CACNA1G: variants seen among roughly 807,000 people sequenced by gnomAD.
The protein encoded by CACNA1G is voltage-dependent T-type calcium channel subunit alpha-1G.
CACNA1G carries 67 observed loss-of-function variants against 219.4 expected under a neutral mutation model. The ratio of observed to expected loss-of-function variants is 0.31; its 90% CI spans 0.25 to 0.37. The LOEUF (loss-of-function observed/expected upper bound fraction) is 0.37. Ranked by LOEUF, CACNA1G falls within the 10% of genes least tolerant of loss-of-function variation. CACNA1G has a pLI of 1.00. For synonymous variants in CACNA1G, 1,296 were observed against 1,345.3 expected, an observed-to-expected ratio of 0.96 and a Z score of 0.80; for missense variants, 2,380 against 3,231.4, an observed-to-expected ratio of 0.74 and a Z score of 6.39.
intron 7 of CACNA1G, 50 bp downstream of exon 7, chr17:50,573,163 T>C (rs1393432579): frequency 7.4e-7 from 1 of 1,350,490 alleles, no homozygotes; most frequent in Admixed American, 2.0e-5. Flanking sequence ...TGGGGACACC[T>C]GTGGGGGCAG....
chr17:50,585,154 T>C (rs1440746445), intron 9 of CACNA1G, among the ~76,000 whole-genome samples: 1 of 152,130 alleles, frequency 6.6e-6, no homozygotes, highest in East Asian at 1.9e-4. Context: ...TTATTATTTA[T>C]TTATTTTAAG....
chr17:50,617,826 G>C lies in CACNA1G; in HGVS notation c.5156-33G>C. On this transcript the variant is annotated intron_variant, in intron 29 of 37. Coordinates refer to ENST00000359106, the MANE Select transcript of CACNA1G (RefSeq NM_018896.5). This position sits in a 1 kb window ranked among gnomAD's most constrained non-coding sequence, Gnocchi z 5.8. ...CCAGCTGTCTGGCCGGGGACCCAAAGAGGCCAGCTCATGACGTTGTCCTGT... is the reference window on the plus strand; with the variant it reads ...CCAGCTGTCTGGCCGGGGACCCAAACAGGCCAGCTCATGACGTTGTCCTGT... 6.2e-7 allele frequency: 1 copy of C among 1,609,892 alleles called. No individual in the cohort carries two copies. Among genetic ancestry groups the C allele is most frequent in the South Asian group, 1.1e-5 (1 of 90,990 alleles).
Position 50,561,095 on chromosome 17 carries a change from G to T in CACNA1G, c.-365G>T, listed in dbSNP as rs1045945766. ...GCCCTCCGCCGCTGCCCCCCTTTTC[G>T]TTCGCCCTCTCGGGGCGGCTTCGCC... On this transcript the variant is annotated 5_prime_UTR_variant, in exon 1 of 38. Coordinates refer to ENST00000359106, the MANE Select transcript of CACNA1G (RefSeq NM_018896.5). The T allele has an allele frequency of 1.1e-5, 5 of 437,664 alleles. No homozygotes were observed. In the East Asian group the frequency reaches 2.6e-4, roughly 23 times the overall value. The allele number at this position is 437,664 out of a possible 1,614,324, so 27.1% of individuals were successfully genotyped here. A position where few individuals can be genotyped will look rare whatever the true frequency, so the allele number is the denominator to read the frequency against.
chr17:50,609,484 C>A (rs1021894091), intron 25 of CACNA1G, among the ~76,000 whole-genome samples: 3 of 152,254 alleles, frequency 2.0e-5, no homozygotes, highest in Admixed American at 6.5e-5. Flanking sequence ...ATCCTCCCCA[C>A]CCCCACCTCA....
intron 22 of CACNA1G, 132 bp from the exon 23 acceptor site, chr17:50,605,766 G>A: frequency 1.1e-6 from 1 of 892,770 alleles, no homozygotes; most frequent in Non-Finnish European, 1.8e-6. Flanking sequence ...TCCCTGACTT[G>A]ACTGGCCCCA....
chr17:50,573,221 A>G (rs765135699), intron 7 of CACNA1G, 108 bp downstream of exon 7: 8 of 786,290 alleles, frequency 1.0e-5, no homozygotes, highest in Non-Finnish European at 1.7e-5. Context: ...AGCTCTCAGG[A>G]CAAGTCCTGT....
Position 50,617,679 on chromosome 17 carries a change from T to C in CACNA1G, c.5155+108T>C. 6.8e-7 allele frequency: 1 copy of C among 1,469,436 alleles called. No homozygotes were observed. Among genetic ancestry groups the C allele is most frequent in the Non-Finnish European group, 9.2e-7 (1 of 1,083,538 alleles). 91.0% of individuals were successfully genotyped at this position (1,469,436 alleles called of 1,614,324 possible). A position where few individuals can be genotyped will look rare whatever the true frequency, so the allele number is the denominator to read the frequency against. On this transcript the variant is annotated intron_variant, in intron 29 of 37. Transcript: ENST00000359106. The surrounding 1 kb of genome is among the most constrained non-coding windows in gnomAD (Gnocchi z 5.8). ...AGGCCTGGGCGGCTGTGGGTTCCCA[T>C]GGGTCTTTCTCCCAGCTTCTGCCAA...
At chr17:50,619,607 C>A (rs2051305462) in intron 33 of CACNA1G, 76 bp from the exon 34 acceptor site, 3 of 1,434,650 alleles carry the variant, frequency 2.1e-6, no homozygotes, top group Admixed American at 2.0e-5. Flanking sequence ...AATCCCCTTC[C>A]ACGACACTTC....
intron 8 of CACNA1G, among the ~76,000 whole-genome samples, chr17:50,576,781 GC>G (rs1293778530): frequency 6.6e-6 from 1 of 152,210 alleles, no homozygotes; most frequent in Non-Finnish European, 1.5e-5. Context: ...CGGACTCGGG[GC>G]CCGCACTCGG....
In CACNA1G at chr17:50,627,020, T is replaced by C; in HGVS notation, c.*269T>C. 1.6e-6 allele frequency: 1 copy of C among 637,358 alleles called. No homozygotes were observed. The highest frequency in any genetic ancestry group is 2.9e-6 in the Non-Finnish European group (1 of 346,142). The allele number at this position is 637,358 out of a possible 1,614,324, so 39.5% of individuals were successfully genotyped here. A position where few individuals can be genotyped will look rare whatever the true frequency, so the allele number is the denominator to read the frequency against. On this transcript the variant is annotated 3_prime_UTR_variant, in exon 38 of 38. Coordinates refer to ENST00000359106, the MANE Select transcript of CACNA1G (RefSeq NM_018896.5). ...AAGCTGTTGGGAGAAAGCAATACGT[T>C]TGTGCAGAATCTCTATGTATATTCT...
chr17:50,596,155 A>G lies in CACNA1G; in HGVS notation c.2980-407A>G, dbSNP rs1033077967. On this transcript the variant is annotated intron_variant, in intron 14 of 37. Coordinates refer to ENST00000359106, the MANE Select transcript of CACNA1G (RefSeq NM_018896.5). The surrounding 1 kb of genome is among the most constrained non-coding windows in gnomAD (Gnocchi z 4.8). ...GGCTCAGGGGAGGGGAGCCGTGGAG[A>G]GAAAGCAAAGGGCCTCCAGTGAACT... 8.5e-5 allele frequency among the ~76,000 whole-genome samples: 13 copies of G among 152,078 alleles called. No homozygotes were observed. Among genetic ancestry groups the G allele is most frequent in the African/African-American group, 1.9e-4 (8 of 41,380 alleles).
At chr17:50,601,635 CT>C (rs2046653481) in intron 19 of CACNA1G, among the ~76,000 whole-genome samples, 1 of 152,186 alleles carries the variant, frequency 6.6e-6, no homozygotes, top group Non-Finnish European at 1.5e-5. Flanking sequence ...ACATGGGTCA[CT>C]TCTGCTTGGC....
rs1230872384 is a variant in CACNA1G, at chr17:50,621,603, C to G, written c.5926-57C>G. The G allele has an allele frequency of 3.0e-5, 48 of 1,589,232 alleles. No individual in the cohort carries two copies. Among genetic ancestry groups the G allele is most frequent in the Non-Finnish European group, 3.8e-5 (44 of 1,162,752 alleles). On this transcript the variant is annotated intron_variant, in intron 34 of 37. Transcript: ENST00000359106. This position sits in a 1 kb window ranked among gnomAD's most constrained non-coding sequence, Gnocchi z 4.6. ...GAGAGAGAGCGCGTGTGTGCGTGTG[C>G]ACGCGCGTGTGCGCTGTCCTGGTTT...
chr17:50,625,199 G>T (rs754374424), intron 37 of CACNA1G, among the ~76,000 whole-genome samples: 1 of 152,144 alleles, frequency 6.6e-6, no homozygotes, highest in Non-Finnish European at 1.5e-5. Flanking sequence ...TGATCTGGCC[G>T]CCTCGGCCAC....
Position 50,578,257 on chromosome 17 carries a change from A to G in CACNA1G, c.1994A>G (p.Asp665Gly), listed in dbSNP as rs753983016. The G allele has an allele frequency of 1.2e-6, 2 of 1,611,836 alleles. No individual in the cohort carries two copies. The highest frequency in any genetic ancestry group is 1.1e-5 in the South Asian group (1 of 91,040). Residue 665 changes from aspartate (D) to glycine (G), a missense_variant, in exon 9 of 38, where the codon GAC becomes GGC. Around this residue, in one of 17 missense-constraint regions of CACNA1G, gnomAD observed 434 missense variants for 417.3 expected, o/e 1.04. Transcript: ENST00000359106. The surrounding 1 kb of genome is among the most constrained non-coding windows in gnomAD (Gnocchi z 4.5). ...LKADSGACGPDSCPYCARAGA... is the reference protein window; with the variant it reads ...LKADSGACGPGSCPYCARAGA... ...GCAGACAGTGGAGCCTGTGGTCCAG[A>G]CAGCTGCCCCTACTGTGCCCGGGCC...
At chr17:50,584,322 G>A (rs2042577922) in intron 9 of CACNA1G, among the ~76,000 whole-genome samples, 3 of 152,060 alleles carry the variant, frequency 2.0e-5, no homozygotes, top group Admixed American at 6.6e-5. Context: ...ATGCTGGCCT[G>A]AGGGAAGAGA....
chr17:50,569,712 G>A lies in CACNA1G; in HGVS notation c.495G>A (p.Leu165=). 4 of 1,550,118 alleles carry A rather than the reference G, an allele frequency of 2.6e-6. No homozygotes were observed. The highest frequency in any genetic ancestry group is 3.5e-6 in the Non-Finnish European group (4 of 1,146,616). The change falls in exon 4 of 38, where the codon CTG becomes CTA. Residue 165 remains leucine (L), a synonymous_variant. Coordinates refer to ENST00000359106, the MANE Select transcript of CACNA1G (RefSeq NM_018896.5). ...TTTGGGCCCCTCCCTGCAGGATGCT[G>A]GAGTACTCGCTGGACCTGCAGAACG... ...LDFFIVIAGM[L]EYSLDLQNVS...
intron 16 of CACNA1G, among the ~76,000 whole-genome samples, chr17:50,597,517 C>T (rs542936874): frequency 6.6e-6 from 1 of 152,122 alleles, no homozygotes; most frequent in Non-Finnish European, 1.5e-5. Context: ...TTGACAAATA[C>T]TAATTGTGTA....
chr17:50,602,119 C>G (rs2046818415), intron 19 of CACNA1G, among the ~76,000 whole-genome samples: 1 of 152,214 alleles, frequency 6.6e-6, no homozygotes. Context: ...CTGTAGAGCT[C>G]TCTGTCACCA....
Sources: allele counts gnomAD v4.1 joint callset (sites outside exome capture counted in the v4.1 genomes callset), GRCh38; gene constraint gnomAD v4.1.1; regional missense constraint gnomAD v4.1.1; non-coding constraint Gnocchi (gnomAD v3.1); transcripts MANE v1.5; gene names NCBI Gene and HGNC (gene_info 2026-07-23, HGNC 2026-07-21).